Variants in MKLN1 observed in about 807,000 individuals in gnomAD.
MKLN1 encodes the protein muskelin.
MKLN1 carries 18 observed loss-of-function variants against 99.0 expected under a neutral mutation model. That is an observed-to-expected ratio of 0.18 (90% CI 0.13 to 0.27). MKLN1 has a LOEUF of 0.27. Among genes scored for constraint, MKLN1 ranks in the 10% least tolerant of loss-of-function variants. MKLN1 has a pLI of 1.00. For missense variants in MKLN1, 621 were observed against 875.9 expected (o/e 0.71, Z 3.67); for synonymous variants, 288 against 293.2 (o/e 0.98, Z 0.18).
intron 1 of MKLN1, among the ~76,000 whole-genome samples, chr7:131,114,184 A>G (rs1795239849): frequency 6.6e-6 from 1 of 152,220 alleles, no homozygotes; most frequent in African/African-American, 2.4e-5. Context: ...TCCTCCATCA[A>G]TGCTATCCTT....
At chr7:131,322,131 G>C (rs748492098) in intron 3 of MKLN1, among the ~76,000 whole-genome samples, 6 of 152,064 alleles carry the variant, frequency 3.9e-5, no homozygotes, top group Non-Finnish European at 8.8e-5. Flanking sequence ...CACTGGATGG[G>C]GTGTTTTCTT....
At chr7:131,393,526 A>C (rs1006118455) in intron 4 of MKLN1, among the ~76,000 whole-genome samples, 2 of 152,242 alleles carry the variant, frequency 1.3e-5, no homozygotes, top group African/African-American at 4.8e-5. Context: ...AAAGGTATTA[A>C]AAATTATAAC....
chr7:131,321,758 C>A (rs1798780665), intron 3 of MKLN1, among the ~76,000 whole-genome samples: 1 of 152,158 alleles, frequency 6.6e-6, no homozygotes. Flanking sequence ...TATGACTTAA[C>A]CAAGGATGCA....
intron 1 of MKLN1, among the ~76,000 whole-genome samples, chr7:131,349,218 C>CA (rs1300448123): frequency 6.8e-6 from 1 of 147,372 alleles, no homozygotes; most frequent in Non-Finnish European, 1.5e-5. Flanking sequence ...TTTTTTGAGA[C>CA]AGAGTCTTGC....
At chr7:131,255,149 C>G (rs999376409) in intron 3 of MKLN1, among the ~76,000 whole-genome samples, 3 of 152,016 alleles carry the variant, frequency 2.0e-5, no homozygotes, top group Non-Finnish European at 4.4e-5. Context: ...CATTATGTTT[C>G]CCAGGTGGTC....
At chr7:131,274,016 A>ATG (rs1797925293) in intron 3 of MKLN1, among the ~76,000 whole-genome samples, 2 of 152,176 alleles carry the variant, frequency 1.3e-5, no homozygotes, top group African/African-American at 2.4e-5. Context: ...GTACCACCCA[A>ATG]GACAATAGAT....
At chr7:131,416,526 T>C (rs1027692247) in intron 8 of MKLN1, among the ~76,000 whole-genome samples, 18 of 68,880 alleles carry the variant, frequency 2.6e-4, no homozygotes, top group Non-Finnish European at 5.0e-4. Context: ...TTTTTCTTTC[T>C]TTTTTTTTTT....
intron 1 of MKLN1, among the ~76,000 whole-genome samples, chr7:131,358,356 G>C (rs1322067850): frequency 6.6e-6 from 1 of 152,086 alleles, no homozygotes; most frequent in Non-Finnish European, 1.5e-5. Flanking sequence ...TTGATTTTGG[G>C]ATATTGAAAT....
chr7:131,178,964 T>C (rs890055340), intron 2 of MKLN1, among the ~76,000 whole-genome samples: 6 of 152,218 alleles, frequency 3.9e-5, no homozygotes, highest in African/African-American at 1.4e-4. Flanking sequence ...TATTGTTTCC[T>C]TTCCTCCCTT....
intron 3 of MKLN1, among the ~76,000 whole-genome samples, chr7:131,215,814 C>T (rs1796972810): frequency 6.6e-6 from 1 of 152,186 alleles, no homozygotes; most frequent in Non-Finnish European, 1.5e-5. Context: ...TGTGTCCTTT[C>T]TTCCTGCCCC....
intron 1 of MKLN1, among the ~76,000 whole-genome samples, chr7:131,355,328 G>A (rs1799840853): frequency 6.6e-6 from 1 of 151,984 alleles, no homozygotes; most frequent in Middle Eastern, 3.4e-3. Flanking sequence ...AGGGAAACCT[G>A]TTTTTATTTT....
In MKLN1 at chr7:131,234,921, C is replaced by T. The variant is rs113099884; in HGVS notation, c.-179+31947C>T. 8.2e-3 allele frequency among the ~76,000 whole-genome samples: 1,252 copies of T among 152,254 alleles called. 7 individuals carry two copies. Among genetic ancestry groups the T allele is most frequent in the South Asian group, 0.018 (87 of 4,830 alleles). ...TAATTCATTCGGATGCTTGCTGATG[C>T]TATTTAAAGCATCCCGCAAGGCCCA... On this transcript the variant is annotated intron_variant, in intron 3 of 7. Transcript: ENST00000416992.
intron 2 of MKLN1, among the ~76,000 whole-genome samples, chr7:131,381,645 G>C (rs1793849720): frequency 6.6e-6 from 1 of 151,974 alleles, no homozygotes; most frequent in Admixed American, 6.6e-5. Flanking sequence ...CACCACCACT[G>C]CCATCATTTT....
chr7:131,479,364 C>CA (rs199953008), intron 17 of MKLN1, among the ~76,000 whole-genome samples: 4 of 151,556 alleles, frequency 2.6e-5, no homozygotes, highest in African/African-American at 7.3e-5. Context: ...CTCGTCTCTA[C>CA]AAAAAAAAAT....
intron 3 of MKLN1, among the ~76,000 whole-genome samples, chr7:131,245,812 AT>A (rs962737839): frequency 1.3e-4 from 20 of 152,238 alleles, no homozygotes; most frequent in Non-Finnish European, 2.9e-5. Flanking sequence ...CTAACAATGC[AT>A]TTCTCAGAAC....
At chr7:131,485,612 A>G (rs1797250440) in intron 17 of MKLN1, among the ~76,000 whole-genome samples, 1 of 152,098 alleles carries the variant, frequency 6.6e-6, no homozygotes, top group African/African-American at 2.4e-5. Context: ...CATCATCAGT[A>G]TTGGGATAAA....
intron 3 of MKLN1, among the ~76,000 whole-genome samples, chr7:131,290,650 G>A (rs1798202883): frequency 6.6e-6 from 1 of 152,178 alleles, no homozygotes; most frequent in African/African-American, 2.4e-5. Context: ...CCCAAAAGTT[G>A]TTCTTTTAAG....
At chr7:131,330,291 C>T (rs982998641) in intron 1 of MKLN1, among the ~76,000 whole-genome samples, 2 of 152,148 alleles carry the variant, frequency 1.3e-5, no homozygotes, top group African/African-American at 4.8e-5. Context: ...AGGTTAAAGA[C>T]ATTTGTTGAA....
chr7:131,389,099 G>A (rs760682021), intron 4 of MKLN1, 127 bp downstream of exon 4: 3 of 577,750 alleles, frequency 5.2e-6, no homozygotes, highest in South Asian at 2.5e-5. Context: ...ATATTGCTGC[G>A]CTGGTTTGTT....
Sources: gnomAD v4.1 joint callset for allele counts (sites outside exome capture counted in the v4.1 genomes callset) on GRCh38, gnomAD v4.1.1 for gene constraint, MANE v1.5 for transcripts, NCBI Gene and HGNC (gene_info 2026-07-23, HGNC 2026-07-21) for gene names.